Variants in LZTS2 observed in about 807,000 individuals in gnomAD.
LZTS2 encodes leucine zipper tumor suppressor 2.
Under a neutral mutation model 60.6 loss-of-function variants are expected in LZTS2, and 32 were observed. The observed-to-expected ratio is 0.53, with a 90% CI of 0.40 to 0.71. The LOEUF (loss-of-function observed/expected upper bound fraction) is 0.71. LZTS2 is among the 30% of genes least tolerant of loss of function. The probability of loss-of-function intolerance (pLI) is 0.00; values close to 1 mark genes in which losing one functional copy is unlikely to be tolerated. For missense variants in LZTS2, 792 were observed against 901.9 expected, an observed-to-expected ratio of 0.88 and a Z score of 1.56; for synonymous variants, 360 against 393.1, an observed-to-expected ratio of 0.92 and a Z score of 1.00.
chr10:101,002,635 A>C, exon 1 of LZTS2: 3 of 1,604,112 alleles, frequency 1.9e-6, no homozygotes, highest in Non-Finnish European at 2.6e-6. Context: ...GAGCAGCCTT[A>C]TCTCAGGCCG....
upstream of LZTS2, among the ~76,000 whole-genome samples, chr10:100,999,151 G>A (rs1443140835): frequency 3.3e-5 from 5 of 152,376 alleles, no homozygotes; most frequent in South Asian, 2.1e-4. Flanking sequence ...GGAGGCTGGG[G>A]AGCACGCGGT....
intron 2 of LZTS2, 52 bp downstream of exon 3, chr10:101,004,218 C>A: frequency 6.5e-7 from 1 of 1,531,590 alleles, no homozygotes; most frequent in Middle Eastern, 1.8e-4. Flanking sequence ...ATCCCAAGGC[C>A]CTGGGATGCA....
chr10:101,005,324 T>G, intron 2 of LZTS2, 134 bp from the exon 4 acceptor site: 3 of 974,502 alleles, frequency 3.1e-6, no homozygotes, highest in Non-Finnish European at 4.4e-6. Context: ...GCAGTTAGTA[T>G]TGTTGTTGCA....
chr10:101,003,082 C>T, intron 1 of LZTS2, 136 bp downstream of exon 2: 1 of 1,136,162 alleles, frequency 8.8e-7, no homozygotes, highest in East Asian at 2.6e-5. Flanking sequence ...CCAGCTCTCT[C>T]TCATTCTGGA....
exon 4 of LZTS2, chr10:101,006,784 G>T: frequency 6.4e-7 from 1 of 1,551,650 alleles, no homozygotes; most frequent in Non-Finnish European, 8.7e-7. Context: ...AGCCCCCTGT[G>T]CCACCTGCCA....
In LZTS2 at chr10:101,003,657, G is replaced by GCCTCCTCCTCCTCCTCTT. The variant is rs780853870; in HGVS notation, c.570_587dup (p.Ser192_Ser197dup). On this transcript the variant is annotated inframe_insertion, in exon 2 of 4. Coordinates refer to ENST00000370220, the Ensembl canonical transcript of LZTS2. The stretch of plus-strand genomic sequence containing the variant: ...CCTGACGCAGCTGTTTGGGGGCCCT[G>GCCTCCTCCTCCTCCTCTT]CCTCCTCCTCCTCCTCTTCCTCCTC... 2.6e-5 allele frequency: 42 copies of GCCTCCTCCTCCTCCTCTT among 1,609,646 alleles called. No homozygotes were observed. The African/African-American group carries it at 2.9e-4, about 11-fold the overall frequency.
intron 2 of LZTS2, among the ~76,000 whole-genome samples, chr10:101,005,008 T>C (rs959141230): frequency 1.3e-5 from 2 of 152,160 alleles, no homozygotes; most frequent in African/African-American, 2.4e-5. Context: ...AAGTGCTTGC[T>C]TTTTTTATTT....
exon 4 of LZTS2, chr10:101,007,209 G>A (rs2133987208): frequency 6.7e-7 from 1 of 1,498,722 alleles, no homozygotes; most frequent in East Asian, 2.3e-5. Context: ...CTGCCAGAGG[G>A]GCAGCAGCTG....
upstream of LZTS2, among the ~76,000 whole-genome samples, chr10:100,997,399 G>C (rs980880202): frequency 6.6e-6 from 1 of 152,178 alleles, no homozygotes; most frequent in African/African-American, 2.4e-5. Context: ...ACACGAAAAC[G>C]CACGCCGACG....
At chr10:101,007,716 A>G (rs1294784543) in exon 4 of LZTS2, 1 of 968,568 alleles carries the variant, frequency 1.0e-6, no homozygotes, top group Non-Finnish European at 1.3e-6. Flanking sequence ...GTTTGTGACC[A>G]AGCAGCCTCT....
chr10:101,001,772 G>A (rs569153727), exon 1 of LZTS2: 4 of 152,408 alleles, frequency 2.6e-5, no homozygotes, highest in South Asian at 4.1e-4. Flanking sequence ...AGAGAGGTTG[G>A]CAGTGGGGCA....
At chr10:101,004,894 C>T (rs1852137320) in intron 2 of LZTS2, among the ~76,000 whole-genome samples, 1 of 152,120 alleles carries the variant, frequency 6.6e-6, no homozygotes, top group Non-Finnish European at 1.5e-5. Context: ...ACAGGGTTTC[C>T]ACCATGTTGG....
Position 101,006,594 on chromosome 10 carries a change from G to A in LZTS2, c.1436G>A (p.Arg479Gln), listed in dbSNP as rs756282708. The A allele has an allele frequency of 3.2e-5, 52 of 1,608,130 alleles. No individual in the cohort carries two copies. Among genetic ancestry groups the A allele is most frequent in the Middle Eastern group, 2.1e-4 (1 of 4,780 alleles). The change falls in exon 4 of 4, where the codon CGG (arginine) becomes CAG (glutamine). Residue 479 changes from arginine to glutamine, a missense_variant. Physicochemically the swap from Arg to Gln is conservative, Grantham distance 43. Transcript: ENST00000370220. ...CTGGTGGCTCTGCGGGTGGCGCTGC[G>A]GGAGGCCCGTGCTACGCTGCGGGTC...
rs937551500 is a variant in LZTS2, at chr10:101,005,442, C to T, written c.1069-16C>T. On this transcript the variant is annotated splice_polypyrimidine_tract_variant and intron_variant, in intron 2 of 3. Coordinates refer to ENST00000370220, the Ensembl canonical transcript of LZTS2. The stretch of plus-strand genomic sequence containing the variant: ...GGAAAACTGCCCAGGAGCCAGGTCT[C>T]TCTTCTCGCCTGCAGGCATACGAGG... 1.3e-6 allele frequency: 2 copies of T among 1,534,698 alleles called. No individual in the cohort carries two copies. Among genetic ancestry groups the T allele is most frequent in the Non-Finnish European group, 8.8e-7 (1 of 1,140,590 alleles).
intron 1 of LZTS2, 124 bp from the exon 3 acceptor site, chr10:101,003,383 C>T (rs1590035098): frequency 1.0e-6 from 1 of 999,966 alleles, no homozygotes; most frequent in East Asian, 2.6e-5. Context: ...CCACCTCCAC[C>T]AGTGGCCGCA....
intron 1 of LZTS2, 77 bp from the exon 3 acceptor site, chr10:101,003,430 G>A (rs1852089786): frequency 8.3e-6 from 12 of 1,441,218 alleles, no homozygotes; most frequent in African/African-American, 2.8e-5. Context: ...GACCCAAGAC[G>A]GGAGGGCAGG....
upstream of LZTS2, among the ~76,000 whole-genome samples, chr10:100,999,256 C>T (rs1370379218): frequency 6.6e-6 from 1 of 152,206 alleles, no homozygotes; most frequent in African/African-American, 2.4e-5. Flanking sequence ...GTGTGTTCTC[C>T]GAGCCGGCCG....
At chr10:101,005,249 A>G (rs1427585540) in intron 2 of LZTS2, among the ~76,000 whole-genome samples, 2 of 150,908 alleles carry the variant, frequency 1.3e-5, no homozygotes, top group African/African-American at 2.4e-5. Context: ...TGATCCACCC[A>G]CCTCGCGTGA....
intron 2 of LZTS2, 103 bp from the exon 4 acceptor site, chr10:101,005,355 G>A (rs1852148823): frequency 7.6e-7 from 1 of 1,311,030 alleles, no homozygotes. Context: ...TTGTTTAATG[G>A]AATCCACCCT....
Sources: allele counts gnomAD v4.1 joint callset (sites outside exome capture counted in the v4.1 genomes callset), GRCh38; gene constraint gnomAD v4.1.1; transcripts MANE v1.5; gene names NCBI Gene and HGNC (gene_info 2026-07-23, HGNC 2026-07-21).